TMEM163: variants seen among roughly 807,000 people sequenced by gnomAD.
TMEM163 encodes transmembrane protein 163.
TMEM163 carries 17 observed loss-of-function variants against 29.3 expected under a neutral mutation model. That is an observed-to-expected ratio of 0.58 (90% CI 0.40 to 0.87). TMEM163 has a LOEUF of 0.87. TMEM163 is among the 40% of genes least tolerant of loss of function. The pLI, the probability that TMEM163 is intolerant of heterozygous loss-of-function variation, is 0.00. For synonymous variants in TMEM163, 157 were observed against 160.6 expected, an observed-to-expected ratio of 0.98 and a Z score of 0.17; for missense variants, 303 against 381.5, an observed-to-expected ratio of 0.79 and a Z score of 1.71.
chr2:134,542,712 G>A (rs1364832732), intron 4 of TMEM163, among the ~76,000 whole-genome samples: 1 of 152,124 alleles, frequency 6.6e-6, no homozygotes, highest in South Asian at 2.1e-4. Flanking sequence ...CAAAAGGGTT[G>A]GGGACCACTG....
At chr2:134,642,059 G>T (rs936305930) in intron 2 of TMEM163, among the ~76,000 whole-genome samples, 1 of 151,808 alleles carries the variant, frequency 6.6e-6, no homozygotes, top group African/African-American at 2.4e-5. Flanking sequence ...TTACCTAACA[G>T]CAGAGCTTCA....
intron 2 of TMEM163, among the ~76,000 whole-genome samples, chr2:134,564,527 A>T (rs1212532109): frequency 6.6e-6 from 1 of 152,228 alleles, no homozygotes; most frequent in Admixed American, 6.5e-5. Context: ...AAGGACTCGT[A>T]AACTGAACTA....
chr2:134,680,818 C>T (rs542262996), intron 2 of TMEM163, among the ~76,000 whole-genome samples: 3 of 152,272 alleles, frequency 2.0e-5, no homozygotes, highest in East Asian at 3.9e-4. Context: ...AGCTTCGCCA[C>T]GTGTCAGCTG....
chr2:134,711,227 A>G (rs1684919660), intron 2 of TMEM163, among the ~76,000 whole-genome samples: 2 of 152,232 alleles, frequency 1.3e-5, no homozygotes, highest in South Asian at 4.1e-4. Flanking sequence ...TATTAGAAAT[A>G]CATTTAGGAA....
intron 4 of TMEM163, among the ~76,000 whole-genome samples, chr2:134,516,758 G>GC (rs1680077254): frequency 3.0e-5 from 2 of 66,842 alleles, no homozygotes; most frequent in East Asian, 8.1e-4. Flanking sequence ...TATATGAATA[G>GC]ATATATATGT....
intron 2 of TMEM163, among the ~76,000 whole-genome samples, chr2:134,611,809 C>T (rs913205165): frequency 6.6e-6 from 1 of 152,284 alleles, no homozygotes; most frequent in African/African-American, 2.4e-5. Context: ...CTCTCAACGA[C>T]GGCCAGAGCA....
intron 4 of TMEM163, among the ~76,000 whole-genome samples, chr2:134,505,807 G>A (rs1350814050): frequency 1.3e-5 from 2 of 152,202 alleles, no homozygotes; most frequent in East Asian, 3.8e-4. Context: ...AAGGAGATGA[G>A]TGTGAAGGAT....
chr2:134,598,586 A>G (rs1682146046), intron 2 of TMEM163, among the ~76,000 whole-genome samples: 1 of 152,150 alleles, frequency 6.6e-6, no homozygotes, highest in African/African-American at 2.4e-5. Context: ...TGCTGTGTAA[A>G]TATGACACAA....
intron 2 of TMEM163, among the ~76,000 whole-genome samples, chr2:134,595,656 G>A (rs1682061646): frequency 6.6e-6 from 1 of 152,164 alleles, no homozygotes; most frequent in Non-Finnish European, 1.5e-5. Context: ...GGGTCAAATG[G>A]TATTTCTAGT....
chr2:134,526,217 A>C (rs1680297190), intron 4 of TMEM163, among the ~76,000 whole-genome samples: 1 of 152,248 alleles, frequency 6.6e-6, no homozygotes, highest in Non-Finnish European at 1.5e-5. Flanking sequence ...ATGGGAGAAG[A>C]AAAGGAGTTT....
chr2:134,650,273 C>G (rs1245735909), intron 2 of TMEM163, among the ~76,000 whole-genome samples: 1 of 151,780 alleles, frequency 6.6e-6, no homozygotes, highest in Non-Finnish European at 1.5e-5. Flanking sequence ...TTACCCTTCT[C>G]TATCATATAT....
intron 2 of TMEM163, among the ~76,000 whole-genome samples, chr2:134,586,853 A>T (rs1430856677): frequency 6.6e-6 from 1 of 152,230 alleles, no homozygotes; most frequent in Non-Finnish European, 1.5e-5. Context: ...AGCCATCTTA[A>T]GTCAAGCATC....
At chr2:134,606,032 G>T (rs1170210866) in intron 2 of TMEM163, among the ~76,000 whole-genome samples, 1 of 152,196 alleles carries the variant, frequency 6.6e-6, no homozygotes, top group Non-Finnish European at 1.5e-5. Flanking sequence ...GTATACGCGG[G>T]GGGCAGTGGC....
At chr2:134,620,493 G>C (rs904530385) in intron 2 of TMEM163, among the ~76,000 whole-genome samples, 2 of 152,114 alleles carry the variant, frequency 1.3e-5, no homozygotes, top group African/African-American at 4.8e-5. Flanking sequence ...CCAACCTCAG[G>C]TGATCCACCT....
intron 5 of TMEM163, among the ~76,000 whole-genome samples, chr2:134,480,943 G>C (rs998034779): frequency 6.6e-6 from 1 of 152,182 alleles, no homozygotes; most frequent in African/African-American, 2.4e-5. Flanking sequence ...TTAACCATCT[G>C]CAAAACAAAA....
At chr2:134,537,426 G>T (rs748294526) in intron 4 of TMEM163, among the ~76,000 whole-genome samples, 3 of 152,166 alleles carry the variant, frequency 2.0e-5, no homozygotes, top group Admixed American at 6.5e-5. Flanking sequence ...TTACAAGGCA[G>T]GGGGAGCAAG....
chr2:134,698,613 G>GT (rs928985420), intron 2 of TMEM163, among the ~76,000 whole-genome samples: 1 of 151,528 alleles, frequency 6.6e-6, no homozygotes, highest in African/African-American at 2.4e-5. Context: ...TGCATTTACA[G>GT]TTTTTTTCTG....
At chr2:134,477,998 C>T (rs2033952) in intron 5 of TMEM163, among the ~76,000 whole-genome samples, 37,937 of 152,084 alleles carry the variant, frequency 0.25, 7,953 homozygotes, top group East Asian at 0.57. Flanking sequence ...GCACCATCCT[C>T]TTGATAGTGG....
chr2:134,651,568 T>G (rs1242850562), intron 2 of TMEM163, among the ~76,000 whole-genome samples: 3 of 126,940 alleles, frequency 2.4e-5, no homozygotes, highest in Non-Finnish European at 1.6e-5. Context: ...ATTTGTCAGT[T>G]TTGGCTTTTG....
Sources: gnomAD v4.1 joint callset for allele counts (sites outside exome capture counted in the v4.1 genomes callset) on GRCh38, gnomAD v4.1.1 for gene constraint, MANE v1.5 for transcripts, NCBI Gene and HGNC (gene_info 2026-07-23, HGNC 2026-07-21) for gene names.